CDK17: variants seen among roughly 807,000 people sequenced by gnomAD.
CDK17 encodes the protein cyclin-dependent kinase 17.
CDK17 carries 24 observed loss-of-function variants against 77.6 expected under a neutral mutation model. The observed-to-expected ratio is 0.31, with a 90% CI of 0.22 to 0.44. The LOEUF is 0.44. CDK17 is among the 20% of genes least tolerant of loss of function. CDK17 has a pLI of 1.00. For synonymous variants in CDK17, 203 were observed against 210.4 expected (o/e 0.96, Z 0.30); for missense variants, 429 against 622.5 (o/e 0.69, Z 3.31).
chr12:96,378,970 T>A (rs927437728), intron 1 of CDK17, among the ~76,000 whole-genome samples: 2 of 152,198 alleles, frequency 1.3e-5, no homozygotes, highest in Non-Finnish European at 2.9e-5. Flanking sequence ...TTGAGTTTTA[T>A]CTATCCCAAA....
intron 1 of CDK17, among the ~76,000 whole-genome samples, chr12:96,389,062 A>G (rs986484931): frequency 4.0e-5 from 6 of 151,834 alleles, no homozygotes; most frequent in African/African-American, 1.5e-4. Flanking sequence ...AGACAGGCTC[A>G]AGAGAGCCTT....
At chr12:96,389,839 T>G (rs1235249649) in intron 1 of CDK17, among the ~76,000 whole-genome samples, 1 of 151,858 alleles carries the variant, frequency 6.6e-6, no homozygotes, top group South Asian at 2.1e-4. Flanking sequence ...TTTTTTGTTT[T>G]TTTTTTTTTG....
At chr12:96,294,743 G>A (rs1190222134) in intron 10 of CDK17, among the ~76,000 whole-genome samples, 1 of 151,892 alleles carries the variant, frequency 6.6e-6, no homozygotes, top group Non-Finnish European at 1.5e-5. Flanking sequence ...TTTACATTTA[G>A]AGGCCTCCTA....
At chr12:96,310,428 A>C (rs1258979815) in intron 5 of CDK17, among the ~76,000 whole-genome samples, 2 of 152,166 alleles carry the variant, frequency 1.3e-5, no homozygotes, top group Non-Finnish European at 2.9e-5. Context: ...AACAAATAAG[A>C]ATATATGTGA....
At chr12:96,379,465 C>A (rs563356308) in intron 1 of CDK17, among the ~76,000 whole-genome samples, 54 of 151,862 alleles carry the variant, frequency 3.6e-4, no homozygotes, top group African/African-American at 1.2e-3. Context: ...CAAGTCTGTC[C>A]CCCAGGCTGG....
chr12:96,283,463 TTAAC>T, intron 14 of CDK17, 136 bp downstream of exon 14: 1 of 598,568 alleles, frequency 1.7e-6, no homozygotes, highest in Non-Finnish European at 2.9e-6. Context: ...TTTTTTTTTT[TTAAC>T]TTAAACATGT....
At chr12:96,334,395 A>T (rs1454249370) in intron 2 of CDK17, among the ~76,000 whole-genome samples, 5 of 152,256 alleles carry the variant, frequency 3.3e-5, no homozygotes, top group African/African-American at 1.2e-4. Flanking sequence ...TTATAAGAAT[A>T]AAAAAAATTA....
intron 11 of CDK17, among the ~76,000 whole-genome samples, chr12:96,287,236 T>C (rs757704573): frequency 3.9e-5 from 6 of 152,068 alleles, no homozygotes; most frequent in Non-Finnish European, 8.8e-5. Context: ...TCAAGACGTT[T>C]TGATGCAGGA....
intron 1 of CDK17, among the ~76,000 whole-genome samples, chr12:96,383,209 G>A (rs1044047184): frequency 1.3e-5 from 2 of 151,982 alleles, no homozygotes; most frequent in African/African-American, 2.4e-5. Context: ...AACCAAGAAG[G>A]TGAAAGATCT....
chr12:96,313,973 C>T (rs764264938), intron 3 of CDK17, among the ~76,000 whole-genome samples: 1 of 152,156 alleles, frequency 6.6e-6, no homozygotes, highest in Non-Finnish European at 1.5e-5. Flanking sequence ...TTTCTCCTCC[C>T]TGCACCCCCA....
chr12:96,313,567 T>G, intron 3 of CDK17, 113 bp from the exon 4 acceptor site: 1 of 531,856 alleles, frequency 1.9e-6, no homozygotes. Context: ...GCATAAAAAG[T>G]CATTTACATT....
intron 2 of CDK17, among the ~76,000 whole-genome samples, chr12:96,325,862 A>T (rs1952886290): frequency 6.6e-6 from 1 of 152,184 alleles, no homozygotes; most frequent in Non-Finnish European, 1.5e-5. Flanking sequence ...TACAGCATAC[A>T]ATAAGATTTT....
In CDK17 at chr12:96,316,096, T is replaced by C. The variant is rs541974433; in HGVS notation, c.284-2642A>G. Among the ~76,000 whole-genome samples the C allele has an allele frequency of 5.8e-4, 88 of 152,232 alleles. No homozygotes were observed. The East Asian group carries it at 7.0e-3, about 12-fold the overall frequency. On this transcript the variant is annotated intron_variant, in intron 3 of 16. Coordinates refer to ENST00000261211, the MANE Select transcript of CDK17 (RefSeq NM_002595.5). Reference sequence around the variant, plus strand: ...GACAGTGGGCGCAGGCCAGTGTGTGTGCGCACCGTGCACTAGCCGAAGCAG... The same window carrying C: ...GACAGTGGGCGCAGGCCAGTGTGTGCGCGCACCGTGCACTAGCCGAAGCAG...
At chr12:96,332,870 C>T (rs1214217709) in intron 2 of CDK17, among the ~76,000 whole-genome samples, 1 of 152,076 alleles carries the variant, frequency 6.6e-6, no homozygotes, top group Admixed American at 6.5e-5. Flanking sequence ...TTGTTAAAAA[C>T]AAAGCATGTT....
At chr12:96,305,186 T>A (rs984363337) in intron 5 of CDK17, among the ~76,000 whole-genome samples, 1 of 152,166 alleles carries the variant, frequency 6.6e-6, no homozygotes, top group Non-Finnish European at 1.5e-5. Context: ...TTCTTATCAA[T>A]CATAAAGGAC....
rs567017485 is a variant in CDK17, at chr12:96,310,227, T to C, written c.543+825A>G. On this transcript the variant is annotated intron_variant, in intron 5 of 16. Coordinates refer to ENST00000261211, the MANE Select transcript of CDK17 (RefSeq NM_002595.5). Reference sequence around the variant, plus strand: ...GAACAAAAGAAGCTAACAACAAAAATAATACATACTGTATAACTTCCATAC... The same window carrying C: ...GAACAAAAGAAGCTAACAACAAAAACAATACATACTGTATAACTTCCATAC... Among the ~76,000 whole-genome samples, 255 of 151,726 alleles carry C rather than the reference T, an allele frequency of 1.7e-3. 9 individuals are homozygous for C. The South Asian group carries it at 0.048, about 28-fold the overall frequency.
chr12:96,395,644 A>G (rs1565851027), intron 1 of CDK17, among the ~76,000 whole-genome samples: 1 of 152,226 alleles, frequency 6.6e-6, no homozygotes, highest in Non-Finnish European at 1.5e-5. Flanking sequence ...GTGTACCCCC[A>G]AAATTCACAT....
chr12:96,300,687 G>A (rs951556040), intron 5 of CDK17, among the ~76,000 whole-genome samples: 11 of 152,188 alleles, frequency 7.2e-5, no homozygotes, highest in South Asian at 2.1e-4. Context: ...GTAAGCCACC[G>A]CGCCCAGCCT....
intron 1 of CDK17, among the ~76,000 whole-genome samples, chr12:96,373,396 C>G (rs1953723987): frequency 6.6e-6 from 1 of 150,680 alleles, no homozygotes; most frequent in Admixed American, 6.6e-5. Flanking sequence ...AGTTGGATAT[C>G]AGCCTGGCCA....
Sources: gnomAD v4.1 joint callset for allele counts (sites outside exome capture counted in the v4.1 genomes callset) on GRCh38, gnomAD v4.1.1 for gene constraint, MANE v1.5 for transcripts, NCBI Gene and HGNC (gene_info 2026-07-23, HGNC 2026-07-21) for gene names.